GLG1: variants seen among roughly 807,000 people sequenced by gnomAD.
The protein encoded by GLG1 is Golgi apparatus protein 1.
GLG1 carries 38 observed loss-of-function variants against 160.5 expected under a neutral mutation model. That is an observed-to-expected ratio of 0.24 (90% CI 0.18 to 0.31). GLG1 has a LOEUF of 0.31. GLG1 is among the 10% of genes least tolerant of loss of function. The probability of loss-of-function intolerance (pLI) is 1.00; values close to 1 mark genes in which losing one functional copy is unlikely to be tolerated. For synonymous variants in GLG1, 644 were observed against 543.4 expected, an observed-to-expected ratio of 1.19 and a Z score of -2.57; for missense variants, 1,373 against 1,505.2, an observed-to-expected ratio of 0.91 and a Z score of 1.45.
chr16:74,585,488 T>C (rs965931257), intron 1 of GLG1, among the ~76,000 whole-genome samples: 1 of 151,956 alleles, frequency 6.6e-6, no homozygotes, highest in Admixed American at 6.6e-5. Context: ...GGGCGGATCA[T>C]GAGGTCATGA....
At chr16:74,532,817 G>A (rs991905686) in intron 1 of GLG1, among the ~76,000 whole-genome samples, 7 of 152,086 alleles carry the variant, frequency 4.6e-5, no homozygotes, top group African/African-American at 1.2e-4. Context: ...GTGAATTACC[G>A]TTCCCAGCCC....
chr16:74,477,329 T>C, intron 12 of GLG1, 67 bp downstream of exon 12: 1 of 1,140,502 alleles, frequency 8.8e-7, no homozygotes, highest in Non-Finnish European at 1.3e-6. Flanking sequence ...GTGTTTGTAC[T>C]CTGCATAAAA....
At position 74,448,170 on chromosome 16, in the gene GLG1, T is replaced by C. The variant is rs1415136456; in HGVS notation, c.*4997A>G. Reference sequence around the variant, plus strand: ...CTAAAGATTCGGTCTGGTTTGCTAATGACTTATCTATTATCTGAAGTCTGT... The same window carrying C: ...CTAAAGATTCGGTCTGGTTTGCTAACGACTTATCTATTATCTGAAGTCTGT... On this transcript the variant is annotated 3_prime_UTR_variant, in exon 26 of 26. Coordinates refer to ENST00000422840, the MANE Select transcript of GLG1 (RefSeq NM_001145667.2). 1 of 152,238 alleles carries C rather than the reference T, an allele frequency of 6.6e-6. No individual in the cohort carries two copies. The highest frequency in any genetic ancestry group is 2.4e-5 in the African/African-American group (1 of 41,446). 9.4% of individuals were successfully genotyped at this position (152,238 alleles called of 1,614,324 possible). A position where few individuals can be genotyped will look rare whatever the true frequency, so the allele number is the denominator to read the frequency against.
intron 6 of GLG1, among the ~76,000 whole-genome samples, chr16:74,494,079 G>A (rs1397970613): frequency 6.6e-6 from 1 of 151,884 alleles, no homozygotes; most frequent in Non-Finnish European, 1.5e-5. Context: ...GGAGGCTGAG[G>A]CAGGAGACTT....
At chr16:74,584,927 C>CAAA (rs1958012978) in intron 1 of GLG1, among the ~76,000 whole-genome samples, 1 of 120,252 alleles carries the variant, frequency 8.3e-6, no homozygotes, top group African/African-American at 3.3e-5. Context: ...AAACAAACAA[C>CAAA]AAAAAAACCC....
At chr16:74,550,873 G>A (rs1200519754) in intron 1 of GLG1, among the ~76,000 whole-genome samples, 1 of 152,194 alleles carries the variant, frequency 6.6e-6, no homozygotes, top group East Asian at 1.9e-4. Flanking sequence ...GAAGCTGAGA[G>A]GCAGTATCAG....
At chr16:74,546,168 G>A (rs2018040829) in intron 1 of GLG1, among the ~76,000 whole-genome samples, 1 of 152,178 alleles carries the variant, frequency 6.6e-6, no homozygotes, top group South Asian at 2.1e-4. Flanking sequence ...ACAAGGCTTT[G>A]TAGCTCATGC....
At chr16:74,497,063 G>A (rs113962569) in intron 4 of GLG1, among the ~76,000 whole-genome samples, 1,770 of 152,176 alleles carry the variant, frequency 0.012, 34 homozygotes, top group African/African-American at 0.041. Flanking sequence ...TGGATCACCT[G>A]AGGTCAGGAG....
chr16:74,598,663 T>C (rs532169350), intron 1 of GLG1, among the ~76,000 whole-genome samples: 6 of 151,748 alleles, frequency 4.0e-5, no homozygotes, highest in Admixed American at 3.9e-4. Flanking sequence ...GAGACTGAGG[T>C]GGGTGGATTG....
chr16:74,511,994 C>T (rs1034456644), intron 2 of GLG1, among the ~76,000 whole-genome samples: 6 of 151,798 alleles, frequency 4.0e-5, no homozygotes, highest in Non-Finnish European at 5.9e-5. Flanking sequence ...CTAAAGTGTA[C>T]AATTCAGTGG....
intron 2 of GLG1, among the ~76,000 whole-genome samples, chr16:74,515,570 C>T (rs932872222): frequency 6.6e-6 from 1 of 151,786 alleles, no homozygotes; most frequent in East Asian, 1.9e-4. Flanking sequence ...GAAATGAAGG[C>T]AGGGATAGCA....
intron 1 of GLG1, among the ~76,000 whole-genome samples, chr16:74,591,350 C>T (rs1438977677): frequency 6.6e-6 from 1 of 150,614 alleles, no homozygotes; most frequent in East Asian, 1.9e-4. Flanking sequence ...AAATAAAGGC[C>T]TGGCACGGTG....
chr16:74,586,968 T>G (rs1172531436), intron 1 of GLG1, among the ~76,000 whole-genome samples: 2 of 150,802 alleles, frequency 1.3e-5, no homozygotes, highest in South Asian at 2.1e-4. Context: ...GTGCTGAGAT[T>G]ATAGGCGTGA....
chr16:74,505,388 C>T (rs538674252), intron 3 of GLG1, among the ~76,000 whole-genome samples: 227 of 152,318 alleles, frequency 1.5e-3, no homozygotes, highest in Admixed American at 2.5e-3. Flanking sequence ...GAATGAAATT[C>T]TTTCAGTTTA....
At position 74,451,419 on chromosome 16, in the gene GLG1, T is replaced by C. The variant is rs1303222745; in HGVS notation, c.*1748A>G. On this transcript the variant is annotated 3_prime_UTR_variant, in exon 26 of 26. Coordinates refer to ENST00000422840, the MANE Select transcript of GLG1 (RefSeq NM_001145667.2). ...AAAAAAAAGAAAGAAAACCACAGTA[T>C]TCAAATATATGTCAGTCAGGTTAGA... The C allele has an allele frequency of 2.0e-5, 3 of 152,186 alleles. No individual in the cohort carries two copies. The highest frequency in any genetic ancestry group is 2.0e-4 in the Admixed American group (3 of 15,274). The allele number at this position is 152,186 out of a possible 1,614,324, so 9.4% of individuals were successfully genotyped here.
intron 12 of GLG1, among the ~76,000 whole-genome samples, chr16:74,475,269 G>A (rs1278936165): frequency 6.6e-6 from 1 of 151,842 alleles, no homozygotes; most frequent in Non-Finnish European, 1.5e-5. Context: ...AACCTTATCA[G>A]GCCTTGATTC....
intron 7 of GLG1, among the ~76,000 whole-genome samples, chr16:74,491,684 G>GC (rs1417255901): frequency 7.2e-5 from 1 of 13,854 alleles, no homozygotes; most frequent in Admixed American, 1.3e-3. Context: ...TGTCACCCAG[G>GC]CTGGAGTGCA....
In GLG1 at chr16:74,458,239, A is replaced by G. The variant is rs2014640374; in HGVS notation, c.3145-245T>C. The G allele has an allele frequency of 7.6e-6, 3 of 395,578 alleles. No individual in the cohort carries two copies. The South Asian group carries it at 1.9e-4, about 25-fold the overall frequency. The allele number at this position is 395,578 out of a possible 1,614,324, so 24.5% of individuals were successfully genotyped here. On this transcript the variant is annotated intron_variant, in intron 23 of 25. Transcript: ENST00000422840. ...AAGCAGGGGACTGTAAGTGACTGTAAGATCAGATTTGTGTTTTTGGCATTC... is the reference window on the plus strand; with the variant it reads ...AAGCAGGGGACTGTAAGTGACTGTAGGATCAGATTTGTGTTTTTGGCATTC...
At chr16:74,585,709 CAAAAA>C (rs556357835) in intron 1 of GLG1, among the ~76,000 whole-genome samples, 3 of 100,190 alleles carry the variant, frequency 3.0e-5, no homozygotes, top group Admixed American at 1.0e-4. Context: ...GACTCCGTCT[CAAAAA>C]AAAAAAAAAA....
Sources: gnomAD v4.1 joint callset for allele counts (sites outside exome capture counted in the v4.1 genomes callset) on GRCh38, gnomAD v4.1.1 for gene constraint, MANE v1.5 for transcripts, NCBI Gene and HGNC (gene_info 2026-07-23, HGNC 2026-07-21) for gene names.